Variants in NCOA1 observed in about 807,000 individuals in gnomAD.
The protein encoded by NCOA1 is nuclear receptor coactivator 1.
NCOA1 carries 35 observed loss-of-function variants against 150.9 expected under a neutral mutation model. The ratio of observed to expected loss-of-function variants is 0.23; its 90% CI spans 0.18 to 0.31. The LOEUF is 0.31. NCOA1 is among the 10% of genes least tolerant of loss of function. NCOA1 has a pLI of 1.00. For synonymous variants in NCOA1, 590 were observed against 630.0 expected, an observed-to-expected ratio of 0.94 and a Z score of 0.95; for missense variants, 1,491 against 1,749.3, an observed-to-expected ratio of 0.85 and a Z score of 2.63.
rs1235706589 is a variant in NCOA1, at chr2:24,599,469, A to G, written c.-175+14909A>G. On this transcript the variant is annotated intron_variant, in intron 3 of 22. Transcript: ENST00000348332. The stretch of plus-strand genomic sequence containing the variant: ...ACTGTGACAAAGCAACAAAAACTGT[A>G]GCAGTTTAAAGTGGGAAGGTATTTA... Among the ~76,000 whole-genome samples, 3 of 152,356 alleles carry G rather than the reference A, an allele frequency of 2.0e-5. No individual in the cohort carries two copies. In the East Asian group the frequency reaches 5.8e-4, roughly 29 times the overall value.
At chr2:24,641,184 A>T (rs888013481) in intron 3 of NCOA1, among the ~76,000 whole-genome samples, 4 of 151,706 alleles carry the variant, frequency 2.6e-5, no homozygotes, top group Admixed American at 1.3e-4. Context: ...ATTTGTAGTT[A>T]ACATTGTAAT....
chr2:24,588,162 G>A (rs983146545), intron 3 of NCOA1, among the ~76,000 whole-genome samples: 14 of 151,908 alleles, frequency 9.2e-5, no homozygotes, highest in Non-Finnish European at 2.9e-5. Flanking sequence ...ATGGCTCACT[G>A]CATCCTTGAC....
At chr2:24,608,704 G>GTTTTTTTTTTTTTTTTTT (rs56710627) in intron 3 of NCOA1, among the ~76,000 whole-genome samples, 3 of 117,334 alleles carry the variant, frequency 2.6e-5, no homozygotes, top group African/African-American at 6.6e-5. Flanking sequence ...TTGTTGTTGT[G>GTTTTTTTTTTTTTTTTTT]TTTTTTTTTT....
At position 24,693,426 on chromosome 2, in the gene NCOA1, G is replaced by C; in HGVS notation, c.808+79G>C. 4.8e-6 allele frequency: 6 copies of C among 1,238,972 alleles called. No individual in the cohort carries two copies. In the South Asian group the frequency reaches 7.2e-5, roughly 15 times the overall value. The allele number at this position is 1,238,972 out of a possible 1,614,324, so 76.7% of individuals were successfully genotyped here. A position where few individuals can be genotyped will look rare whatever the true frequency, so the allele number is the denominator to read the frequency against. ...CCTTAAAACTAATTATATCCAGAAT[G>C]TCTTTCTGTTCTATGAGATTTAGGC... On this transcript the variant is annotated intron_variant, in intron 10 of 22. Coordinates refer to ENST00000348332, the MANE Select transcript of NCOA1 (RefSeq NM_003743.5).
chr2:24,686,732 TA>T (rs1289613357), intron 8 of NCOA1, among the ~76,000 whole-genome samples: 9 of 152,148 alleles, frequency 5.9e-5, no homozygotes, highest in African/African-American at 1.7e-4. Context: ...TCAGTTAACT[TA>T]AAAAAATCGA....
At chr2:24,586,798 G>C (rs1356861272) in intron 3 of NCOA1, among the ~76,000 whole-genome samples, 2 of 152,054 alleles carry the variant, frequency 1.3e-5, no homozygotes, top group African/African-American at 4.8e-5. Flanking sequence ...TATGCAACTT[G>C]GAATTAGATC....
chr2:24,516,912 A>G (rs1225502160), intron 1 of NCOA1, among the ~76,000 whole-genome samples: 45 of 133,814 alleles, frequency 3.4e-4, no homozygotes, highest in Non-Finnish European at 3.5e-4. Flanking sequence ...ATATATGTGC[A>G]TGTGTGTGTG....
rs56144302 is a variant in NCOA1 at position 24,685,812 on chromosome 2, A to G, written c.532+2684A>G. On this transcript the variant is annotated intron_variant, in intron 8 of 22. Coordinates refer to ENST00000348332, the MANE Select transcript of NCOA1 (RefSeq NM_003743.5). The stretch of plus-strand genomic sequence containing the variant: ...ATGTTTTGGAGCTTTTAATTTCTGA[A>G]TGATAGATCTACAATTATTATTAAC... Among the ~76,000 whole-genome samples, 668 of 152,238 alleles carry G rather than the reference A, an allele frequency of 4.4e-3. 4 individuals are homozygous for G. Among genetic ancestry groups the G allele is most frequent in the Middle Eastern group, 0.014 (4 of 294 alleles).
intron 2 of NCOA1, among the ~76,000 whole-genome samples, chr2:24,576,541 T>C (rs1666999828): frequency 6.6e-6 from 1 of 152,190 alleles, no homozygotes; most frequent in African/African-American, 2.4e-5. Context: ...TGGTATCTAA[T>C]ATCTAAAAGC....
At chr2:24,688,584 A>G (rs1036799301) in intron 8 of NCOA1, among the ~76,000 whole-genome samples, 1 of 152,034 alleles carries the variant, frequency 6.6e-6, no homozygotes, top group Non-Finnish European at 1.5e-5. Flanking sequence ...TCCTTTGCCC[A>G]CTTTTTAATG....
chr2:24,673,583 T>A lies in NCOA1; in HGVS notation c.354+120T>A, dbSNP rs185723163. 3 of 563,216 alleles carry A rather than the reference T, an allele frequency of 5.3e-6. No homozygotes were observed. In the African/African-American group the frequency reaches 6.0e-5, roughly 11 times the overall value. 34.9% of individuals were successfully genotyped at this position (563,216 alleles called of 1,614,324 possible). A position where few individuals can be genotyped will look rare whatever the true frequency, so the allele number is the denominator to read the frequency against. The stretch of plus-strand genomic sequence containing the variant: ...TTATAAAACAAAGTAAAGAACTTTT[T>A]ATAATTATTTTATTATGAGAACTAT... On this transcript the variant is annotated intron_variant, in intron 7 of 22. Transcript: ENST00000348332.
In NCOA1 at chr2:24,604,766, G is replaced by A. The variant is rs1371665299; in HGVS notation, c.-175+20206G>A. Among the ~76,000 whole-genome samples, 6 of 152,182 alleles carry A rather than the reference G, an allele frequency of 3.9e-5. No individual in the cohort carries two copies. The South Asian group carries it at 8.3e-4, about 21-fold the overall frequency. Reference sequence around the variant, plus strand: ...TGTTTTGCTATCTTATCATTTGTGTGTTCGCTGGAGTAGCACTTTAAATTT... The same window carrying A: ...TGTTTTGCTATCTTATCATTTGTGTATTCGCTGGAGTAGCACTTTAAATTT... On this transcript the variant is annotated intron_variant, in intron 3 of 22. Transcript: ENST00000348332.
At chr2:24,767,893 A>G in intron 22 of NCOA1, 1 of 538,602 alleles carries the variant, frequency 1.9e-6, no homozygotes, top group Non-Finnish European at 3.3e-6. Context: ...TTTAAAACCT[A>G]CCACTGGATA....
chr2:24,494,862 C>G (rs1243645944), intron 1 of NCOA1, among the ~76,000 whole-genome samples: 3 of 152,170 alleles, frequency 2.0e-5, no homozygotes, highest in Non-Finnish European at 4.4e-5. Context: ...AAAATTGCTT[C>G]TTTCCCAGAT....
Position 24,622,107 on chromosome 2 carries a change from G to T in NCOA1, c.-174-21859G>T, listed in dbSNP as rs56327616. Among the ~76,000 whole-genome samples, 1,000 of 152,314 alleles carry T rather than the reference G, an allele frequency of 6.6e-3. 15 individuals carry two copies. The highest frequency in any genetic ancestry group is 0.023 in the African/African-American group (953 of 41,568). Reference sequence around the variant, plus strand: ...ATAGGAGAAGGAGAACCATACAGCAGTTTGGTTTAATGCACACTGACCTCC... The same window carrying T: ...ATAGGAGAAGGAGAACCATACAGCATTTTGGTTTAATGCACACTGACCTCC... On this transcript the variant is annotated intron_variant, in intron 3 of 22. Coordinates refer to ENST00000348332, the MANE Select transcript of NCOA1 (RefSeq NM_003743.5).
At chr2:24,728,269 T>C (rs570536697) in intron 15 of NCOA1, 39 bp from the exon 16 acceptor site, 3 of 1,553,448 alleles carry the variant, frequency 1.9e-6, no homozygotes, top group East Asian at 2.3e-5. Flanking sequence ...AATTATTTGC[T>C]ATGTCAGTCT....
At chr2:24,535,680 A>G (rs561909223) in intron 1 of NCOA1, among the ~76,000 whole-genome samples, 1 of 152,242 alleles carries the variant, frequency 6.6e-6, no homozygotes, top group South Asian at 2.1e-4. Context: ...GCTTGTCTGG[A>G]AAGAATTTTA....
At chr2:24,499,816 T>TAA (rs1479171437) in intron 1 of NCOA1, among the ~76,000 whole-genome samples, 1 of 152,236 alleles carries the variant, frequency 6.6e-6, no homozygotes, top group East Asian at 1.9e-4. Flanking sequence ...GCCCTGTCTA[T>TAA]TATTTGACTG....
At chr2:24,757,831 A>G (rs1485670870) in intron 20 of NCOA1, 142 bp from the exon 21 acceptor site, 16 of 697,602 alleles carry the variant, frequency 2.3e-5, no homozygotes, top group Middle Eastern at 7.7e-4. Flanking sequence ...TCTGAATTAT[A>G]TTAATTTTTA....
Sources: allele counts gnomAD v4.1 joint callset (sites outside exome capture counted in the v4.1 genomes callset), GRCh38; gene constraint gnomAD v4.1.1; transcripts MANE v1.5; gene names NCBI Gene and HGNC (gene_info 2026-07-23, HGNC 2026-07-21).